TESK2: variants seen among roughly 807,000 people sequenced by gnomAD.
TESK2 encodes dual specificity testis-specific protein kinase 2.
Under a neutral mutation model 57.1 loss-of-function variants are expected in TESK2, and 39 were observed. The ratio of observed to expected loss-of-function variants is 0.68; its 90% CI spans 0.53 to 0.89. TESK2 has a LOEUF of 0.89. Among genes scored for constraint, TESK2 ranks in the 40% least tolerant of loss-of-function variants. The pLI is 0.00. For synonymous variants in TESK2, 249 were observed against 267.9 expected, an observed-to-expected ratio of 0.93 and a Z score of 0.69; for missense variants, 646 against 732.1, an observed-to-expected ratio of 0.88 and a Z score of 1.36.
In TESK2 at chr1:45,435,319, G is replaced by A. The variant is rs1391094296; in HGVS notation, c.223-13473C>T. Among the ~76,000 whole-genome samples, 5 of 152,040 alleles carry A rather than the reference G, an allele frequency of 3.3e-5. No homozygotes were observed. In the South Asian group the frequency reaches 1.0e-3, roughly 32 times the overall value. On this transcript the variant is annotated intron_variant, in intron 2 of 10. Transcript: ENST00000372086. ...TTTTTTTGTATTGTTTGCAGAGACA[G>A]GGTTTCACCACGTTGGCCAGGCTAG... is the stretch of plus-strand genomic sequence containing the variant.
chr1:45,448,362 T>C (rs1002505463), intron 2 of TESK2, among the ~76,000 whole-genome samples: 7 of 152,054 alleles, frequency 4.6e-5, no homozygotes, highest in African/African-American at 1.7e-4. Context: ...ACATCATATG[T>C]TGTGTTAGGC....
At chr1:45,454,010 G>C (rs950322519) in intron 2 of TESK2, among the ~76,000 whole-genome samples, 1 of 152,074 alleles carries the variant, frequency 6.6e-6, no homozygotes, top group African/African-American at 2.4e-5. Flanking sequence ...CCATGAAAAA[G>C]AAAAATAAGT....
At chr1:45,384,611 T>TTA (rs1557551584) in intron 4 of TESK2, among the ~76,000 whole-genome samples, 7 of 129,484 alleles carry the variant, frequency 5.4e-5, no homozygotes, top group African/African-American at 1.8e-4. Flanking sequence ...TTTTTTTTTT[T>TTA]TTTTTTTTTT....
chr1:45,435,904 G>C (rs1557572966), intron 2 of TESK2, among the ~76,000 whole-genome samples: 1 of 151,618 alleles, frequency 6.6e-6, no homozygotes, highest in Non-Finnish European at 1.5e-5. Context: ...AAAGTGTCTT[G>C]TCCCCAGTGT....
At chr1:45,369,581 G>A (rs1186377324) in intron 4 of TESK2, among the ~76,000 whole-genome samples, 1 of 152,122 alleles carries the variant, frequency 6.6e-6, no homozygotes, top group East Asian at 1.9e-4. Context: ...GATGAATGGA[G>A]GGAAACATTA....
intron 5 of TESK2, among the ~76,000 whole-genome samples, chr1:45,349,914 C>T (rs768382136): frequency 6.6e-6 from 1 of 152,126 alleles, no homozygotes; most frequent in Non-Finnish European, 1.5e-5. Flanking sequence ...GGCCAAGGCA[C>T]GTGGATCACC....
intron 2 of TESK2, among the ~76,000 whole-genome samples, chr1:45,435,727 CTTTAT>C (rs1038404658): frequency 6.2e-5 from 9 of 144,476 alleles, no homozygotes; most frequent in African/African-American, 1.0e-4. Flanking sequence ...TTTAAATTAT[CTTTAT>C]TTTATTTTAT....
In TESK2 at chr1:45,347,986, C is replaced by T; in HGVS notation, c.555G>A (p.Lys185=). The T allele has an allele frequency of 6.2e-7, 1 of 1,612,886 alleles. No homozygotes were observed. Among genetic ancestry groups the T allele is most frequent in the African/African-American group, 1.3e-5 (1 of 75,032 alleles). ...RDLTSKNCLI[K]RDENGYSAVV... Reference sequence around the variant, plus strand: ...CTGCAGAGTAACCATTCTCATCCCTCTTTATCAGGCAGTTCTAGGGTTCCC... The same window carrying T: ...CTGCAGAGTAACCATTCTCATCCCTTTTTATCAGGCAGTTCTAGGGTTCCC... The change falls in exon 6 of 11, where the codon AAG becomes AAA. Residue 185 remains lysine, a synonymous_variant. Transcript: ENST00000372086.
intron 2 of TESK2, among the ~76,000 whole-genome samples, chr1:45,447,817 G>T (rs536151239): frequency 3.9e-4 from 60 of 152,048 alleles, no homozygotes; most frequent in Non-Finnish European, 6.6e-4. Flanking sequence ...AATGTCACTA[G>T]GCCACAGGAA....
chr1:45,394,836 G>A (rs1009621099), intron 3 of TESK2, among the ~76,000 whole-genome samples: 2 of 150,960 alleles, frequency 1.3e-5, no homozygotes, highest in African/African-American at 4.9e-5. Context: ...GATTAGAGGC[G>A]GCCACCACAC....
chr1:45,409,171 T>G (rs181006861), intron 3 of TESK2, among the ~76,000 whole-genome samples: 1 of 152,318 alleles, frequency 6.6e-6, no homozygotes, highest in African/African-American at 2.4e-5. Context: ...AGAGAGCTCA[T>G]TCAATACTGG....
chr1:45,472,859 C>T (rs1652821794), intron 1 of TESK2, among the ~76,000 whole-genome samples: 3 of 151,566 alleles, frequency 2.0e-5, no homozygotes, highest in Admixed American at 2.0e-4. Context: ...ACTAGCATGC[C>T]GGGCGCGGTG....
At position 45,421,712 on chromosome 1, in the gene TESK2, G is replaced by A. The variant is rs776882200; in HGVS notation, c.344+13C>T. ...AGTTTTCTCATTGATCAGAAGGAAG[G>A]AAAAGCCATTACCTAAGGATGTTGG... On this transcript the variant is annotated intron_variant, in intron 3 of 10. Coordinates refer to ENST00000372086, the MANE Select transcript of TESK2 (RefSeq NM_007170.3). The A allele has an allele frequency of 6.2e-6, 10 of 1,613,810 alleles. No individual in the cohort carries two copies. In the South Asian group the frequency reaches 9.9e-5, roughly 16 times the overall value.
chr1:45,429,544 G>T (rs1319002114), intron 2 of TESK2, among the ~76,000 whole-genome samples: 2 of 151,860 alleles, frequency 1.3e-5, no homozygotes, highest in Non-Finnish European at 2.9e-5. Context: ...AAGTATATAT[G>T]ACAAAATTTA....
intron 1 of TESK2, among the ~76,000 whole-genome samples, chr1:45,474,460 C>T (rs892515031): frequency 6.7e-6 from 1 of 148,778 alleles, no homozygotes; most frequent in African/African-American, 2.5e-5. Flanking sequence ...GACCCCATCT[C>T]TTTTTTTTTT....
At chr1:45,412,092 G>A (rs1650058697) in intron 3 of TESK2, among the ~76,000 whole-genome samples, 1 of 152,180 alleles carries the variant, frequency 6.6e-6, no homozygotes, top group African/African-American at 2.4e-5. Flanking sequence ...GAGAAAGAGT[G>A]GAAGAAAAGG....
intron 4 of TESK2, among the ~76,000 whole-genome samples, chr1:45,366,979 CA>C (rs928780335): frequency 1.3e-5 from 2 of 151,864 alleles, no homozygotes; most frequent in African/African-American, 4.8e-5. Flanking sequence ...GCAAAAAATA[CA>C]AAAATTAGCT....
chr1:45,352,920 G>C (rs897879436), intron 5 of TESK2, among the ~76,000 whole-genome samples: 1 of 148,310 alleles, frequency 6.7e-6, no homozygotes, highest in African/African-American at 2.5e-5. Context: ...TTTTTTCCAA[G>C]ACGGAGTCTC....
At chr1:45,347,302 A>G (rs1323787064) in intron 7 of TESK2, among the ~76,000 whole-genome samples, 27 of 152,174 alleles carry the variant, frequency 1.8e-4, no homozygotes, top group Admixed American at 1.8e-3. Flanking sequence ...GCGATGGCTC[A>G]TGCCTGTAAT....
Sources: gnomAD v4.1 joint callset for allele counts (sites outside exome capture counted in the v4.1 genomes callset) on GRCh38, gnomAD v4.1.1 for gene constraint, MANE v1.5 for transcripts, NCBI Gene and HGNC (gene_info 2026-07-23, HGNC 2026-07-21) for gene names.